SSC4D: variants seen among roughly 807,000 people sequenced by gnomAD.
SSC4D encodes scavenger receptor cysteine-rich domain-containing group B protein.
A neutral mutation model predicts 63.4 loss-of-function variants in SSC4D; 57 were observed. The ratio of observed to expected loss-of-function variants is 0.90; its 90% CI spans 0.73 to 1.12. SSC4D has a LOEUF of 1.12. Among genes scored for constraint, SSC4D ranks in the 50% most tolerant of loss-of-function variants. The pLI is 0.00. For missense variants in SSC4D, 791 were observed against 806.4 expected, an observed-to-expected ratio of 0.98 and a Z score of 0.23; for synonymous variants, 352 against 345.4, an observed-to-expected ratio of 1.02 and a Z score of -0.21.
intron 10 of SSC4D, among the ~76,000 whole-genome samples, chr7:76,391,719 G>T (rs1266492638): frequency 1.3e-5 from 2 of 152,140 alleles, no homozygotes; most frequent in African/African-American, 4.8e-5. Context: ...CTCAGGACAG[G>T]ATCCTTATCC....
intron 6 of SSC4D, 85 bp from the exon 7 acceptor site, chr7:76,395,415 G>T (rs2115754249): frequency 7.1e-7 from 1 of 1,401,906 alleles, no homozygotes; most frequent in Non-Finnish European, 1.0e-6. Context: ...GGATAGGAGG[G>T]TCTGCCTGGA....
In SSC4D at chr7:76,400,386, C is replaced by T; in HGVS notation, c.375G>A (p.Val125=). Residue 125 remains valine, a synonymous_variant, in exon 4 of 11, where the codon GTG becomes GTA. Coordinates refer to ENST00000275560, the MANE Select transcript of SSC4D (RefSeq NM_080744.2). The part of the protein sequence containing the change: ...QGRGPILLDN[V]ECRGQEAALS... ...GCGCAGCTTCCTGCCCGCGGCACTCCACGTTGTCCAGCAGGATGGGGCCTC... is the reference window on the plus strand; with the variant it reads ...GCGCAGCTTCCTGCCCGCGGCACTCTACGTTGTCCAGCAGGATGGGGCCTC... 6.3e-7 allele frequency: 1 copy of T among 1,595,530 alleles called. No homozygotes were observed. The highest frequency in any genetic ancestry group is 2.3e-5 in the East Asian group (1 of 43,928).
intron 7 of SSC4D, 94 bp from the exon 8 acceptor site, chr7:76,393,998 C>T: frequency 7.8e-7 from 1 of 1,289,596 alleles, no homozygotes; most frequent in Non-Finnish European, 1.1e-6. Flanking sequence ...ACCCCCAACC[C>T]TACCACACCC....
chr7:76,393,157 CA>C (rs1487819546), intron 9 of SSC4D, among the ~76,000 whole-genome samples: 2 of 152,202 alleles, frequency 1.3e-5, no homozygotes, highest in Admixed American at 1.3e-4. Context: ...CACCGCCCCT[CA>C]CAGCTGCACC....
chr7:76,401,677 A>G (rs924105701), intron 2 of SSC4D, among the ~76,000 whole-genome samples: 1 of 152,170 alleles, frequency 6.6e-6, no homozygotes, highest in African/African-American at 2.4e-5. Context: ...TTGGCCTGCT[A>G]AAGTGCTGGG....
intron 7 of SSC4D, 140 bp from the exon 8 acceptor site, chr7:76,394,044 G>T: frequency 1.3e-6 from 1 of 779,334 alleles, no homozygotes; most frequent in Non-Finnish European, 2.0e-6. Flanking sequence ...GAGTCACCAC[G>T]TTGTCTGGCG....
At chr7:76,397,471 C>T in intron 6 of SSC4D, 47 bp downstream of exon 6, 1 of 1,443,382 alleles carries the variant, frequency 6.9e-7, no homozygotes, top group Non-Finnish European at 9.1e-7. Context: ...TGCCACAGGG[C>T]CCCGCCCACC....
At chr7:76,396,297 A>T (rs528655194) in intron 6 of SSC4D, among the ~76,000 whole-genome samples, 3 of 152,310 alleles carry the variant, frequency 2.0e-5, no homozygotes, top group East Asian at 3.9e-4. Context: ...ATGTCAGTTT[A>T]CCATTGCCGT....
At chr7:76,405,272 TA>T (rs1425300872) in intron 1 of SSC4D, among the ~76,000 whole-genome samples, 837 of 5,520 alleles carry the variant, frequency 0.15, 35 homozygotes, top group East Asian at 0.22. Flanking sequence ...CCCAGCTAAT[TA>T]TATATATATA....
At chr7:76,400,959 G>A (rs1804804485) in intron 3 of SSC4D, 49 bp downstream of exon 3, 1 of 1,550,064 alleles carries the variant, frequency 6.5e-7, no homozygotes, top group Non-Finnish European at 8.7e-7. Flanking sequence ...TGAGGCTGGA[G>A]TACCTGGCGG....
chr7:76,405,335 C>CTTTTTTTT (rs1563687084), intron 1 of SSC4D, among the ~76,000 whole-genome samples: 1 of 29,160 alleles, frequency 3.4e-5, no homozygotes, highest in Non-Finnish European at 6.1e-5. Context: ...TTCTTTCTTT[C>CTTTTTTTT]TTTCTTTTTT....
Position 76,398,656 on chromosome 7 carries a change from T to C in SSC4D, c.553+64A>G. 4.6e-6 allele frequency: 7 copies of C among 1,526,894 alleles called. No individual in the cohort carries two copies. The South Asian group carries it at 7.9e-5, about 17-fold the overall frequency. 94.6% of individuals were successfully genotyped at this position (1,526,894 alleles called of 1,614,324 possible). A position where few individuals can be genotyped will look rare whatever the true frequency, so the allele number is the denominator to read the frequency against. ...TTGTAATCCCTGTCTTCCCACTGCCTAGGGTAGGGTGTGAGAGACTCCTCT... is the reference window on the plus strand; with the variant it reads ...TTGTAATCCCTGTCTTCCCACTGCCCAGGGTAGGGTGTGAGAGACTCCTCT... On this transcript the variant is annotated intron_variant, in intron 5 of 10. Transcript: ENST00000275560.
rs1380995152 is a variant in SSC4D, at chr7:76,409,553, C to T, written c.-206G>A. On this transcript the variant is annotated 5_prime_UTR_variant, in exon 1 of 11. It introduces an in-frame stop codon into an upstream open reading frame of the 5' UTR. Coordinates refer to ENST00000275560, the MANE Select transcript of SSC4D (RefSeq NM_080744.2). ...AACACAGGCGTTTCTTCTTTTCTTT[C>T]CACAGCTGGAAGGTGAGCAGAGGCA... 6.6e-6 allele frequency: 1 copy of T among 152,208 alleles called. No homozygotes were observed. The highest frequency in any genetic ancestry group is 1.5e-5 in the Non-Finnish European group (1 of 68,098). The allele number at this position is 152,208 out of a possible 1,614,324, so 9.4% of individuals were successfully genotyped here. A position where few individuals can be genotyped will look rare whatever the true frequency, so the allele number is the denominator to read the frequency against.
Position 76,390,034 on chromosome 7 carries a change from G to A in SSC4D, c.*25C>T. 1.2e-6 allele frequency: 2 copies of A among 1,613,536 alleles called. No individual in the cohort carries two copies. The highest frequency in any genetic ancestry group is 1.7e-6 in the Non-Finnish European group (2 of 1,179,588). The stretch of plus-strand genomic sequence containing the variant: ...AGGGAGGTCACAGCTCCCAGAAGAA[G>A]AGGTGGTCTGCAGAGCGGGCTGGGT... On this transcript the variant is annotated 3_prime_UTR_variant, in exon 11 of 11. Coordinates refer to ENST00000275560, the MANE Select transcript of SSC4D (RefSeq NM_080744.2).
At position 76,393,884 on chromosome 7, in the gene SSC4D, G is replaced by A. The variant is rs1804567464; in HGVS notation, c.967C>T (p.Pro323Ser). Residue 323 changes from proline (P) to serine (S), a missense_variant, in exon 8 of 11, where the codon CCT becomes TCT. Pro to Ser is a moderately conservative substitution (Grantham distance 74, BLOSUM62 -1). Transcript: ENST00000275560. ...GTGAGCAGTGCTGTCTCCCGGGAAG[G>A]CTGGGGGCCAACTCCTGTAGCTGTG... ...DPSATGVGPQ[P>S]SRETALLTTA... The A allele has an allele frequency of 1.2e-6, 2 of 1,605,974 alleles. No homozygotes were observed. Among genetic ancestry groups the A allele is most frequent in the Non-Finnish European group, 1.7e-6 (2 of 1,175,932 alleles).
At chr7:76,405,487 A>T (rs1477660333) in intron 1 of SSC4D, among the ~76,000 whole-genome samples, 1 of 149,140 alleles carries the variant, frequency 6.7e-6, no homozygotes, top group African/African-American at 2.5e-5. Context: ...AGCCCAGAAC[A>T]TTTCTTTTTT....
chr7:76,389,698 C>T lies in SSC4D; in HGVS notation c.*361G>A, dbSNP rs999096. 42,156 of 230,274 alleles carry T rather than the reference C, an allele frequency of 0.18. 4,807 individuals are homozygous for T. Among genetic ancestry groups the T allele is most frequent in the East Asian group, 0.31 (2,886 of 9,202 alleles). 14.3% of individuals were successfully genotyped at this position (230,274 alleles called of 1,614,324 possible). A position where few individuals can be genotyped will look rare whatever the true frequency, so the allele number is the denominator to read the frequency against. On this transcript the variant is annotated 3_prime_UTR_variant, in exon 11 of 11. Coordinates refer to ENST00000275560, the MANE Select transcript of SSC4D (RefSeq NM_080744.2). ...AGAGGAGATACCCCATTTAAAGAGCCCCTGAGCCTCCTGGATCTAGGTCAA... is the reference window on the plus strand; with the variant it reads ...AGAGGAGATACCCCATTTAAAGAGCTCCTGAGCCTCCTGGATCTAGGTCAA...
intron 1 of SSC4D, among the ~76,000 whole-genome samples, chr7:76,405,351 T>C (rs1393663618): frequency 4.7e-4 from 49 of 103,490 alleles, no homozygotes; most frequent in Middle Eastern, 4.9e-3. Context: ...TTTTTTTTTT[T>C]TTTTTTTTTT....
chr7:76,408,085 G>A (rs1805098871), intron 1 of SSC4D, among the ~76,000 whole-genome samples: 1 of 152,202 alleles, frequency 6.6e-6, no homozygotes, highest in Non-Finnish European at 1.5e-5. Context: ...GGACTTTGTA[G>A]GAGGCGGCGG....
Sources: gnomAD v4.1 joint callset for allele counts (sites outside exome capture counted in the v4.1 genomes callset) on GRCh38, gnomAD v4.1.1 for gene constraint, MANE v1.5 for transcripts, NCBI Gene and HGNC (gene_info 2026-07-23, HGNC 2026-07-21) for gene names.